The following CELF2 variants were observed in gnomAD, a reference collection of about 807,000 sequenced individuals.
CELF2 encodes the protein CUGBP Elav-like family member 2, also known as CUG triplet repeat RNA-binding protein 2.
CELF2 carries 8 observed loss-of-function variants against 62.6 expected under a neutral mutation model. The ratio of observed to expected loss-of-function variants is 0.13; its 90% CI spans 0.07 to 0.23. The LOEUF (loss-of-function observed/expected upper bound fraction) is 0.23, where lower values mean the gene tolerates loss of function less well. CELF2 is among the 10% of genes least tolerant of loss of function. CELF2 has a pLI of 1.00. For missense variants in CELF2, 333 were observed against 671.0 expected, an observed-to-expected ratio of 0.50 and a Z score of 5.56; for synonymous variants, 258 against 250.0, an observed-to-expected ratio of 1.03 and a Z score of -0.30.
At chr10:10,950,647 G>C (rs1386670197) in intron 2 of CELF2, among the ~76,000 whole-genome samples, 6 of 152,136 alleles carry the variant, frequency 3.9e-5, no homozygotes, top group African/African-American at 1.4e-4. Context: ...CCCCATTGCT[G>C]CTGCCCTCTT....
the CELF2 span, chr10:10,784,663 T>G: frequency 6.6e-6 from 1 of 152,466 alleles, no homozygotes; most frequent in Admixed American, 6.5e-5. Context: ...CTTCTCTTTG[T>G]CTCTCCCTGT....
At chr10:10,791,977 A>T in the CELF2 span, among the ~76,000 whole-genome samples, 1 of 130,498 alleles carries the variant, frequency 7.7e-6, no homozygotes, top group Non-Finnish European at 1.6e-5. Flanking sequence ...AGGGAATCGA[A>T]GGGAGAAGGA....
At chr10:10,695,446 C>T in the CELF2 span, among the ~76,000 whole-genome samples, 1 of 150,460 alleles carries the variant, frequency 6.6e-6, no homozygotes, top group African/African-American at 2.4e-5. Context: ...AACGTTTTTT[C>T]CTTCATTTCA....
At chr10:10,745,221 C>G in the CELF2 span, among the ~76,000 whole-genome samples, 302 of 152,136 alleles carry the variant, frequency 2.0e-3, 1 homozygote, top group African/African-American at 6.9e-3. Context: ...CTGTTTCTTC[C>G]ATCATCACTC....
chr10:11,194,631 G>A (rs1381185525), intron 2 of CELF2, among the ~76,000 whole-genome samples: 1 of 152,132 alleles, frequency 6.6e-6, no homozygotes, highest in African/African-American at 2.4e-5. Context: ...ACTCTTGCTA[G>A]CCCTCCCCAT....
chr10:10,546,580 A>C, the CELF2 span, among the ~76,000 whole-genome samples: 1 of 152,134 alleles, frequency 6.6e-6, no homozygotes, highest in Non-Finnish European at 1.5e-5. Flanking sequence ...CTCTGCATGG[A>C]CTTGTATTAA....
intron 1 of CELF2, among the ~76,000 whole-genome samples, chr10:11,037,091 T>C (rs555034219): frequency 6.6e-6 from 1 of 152,248 alleles, no homozygotes; most frequent in East Asian, 1.9e-4. Context: ...AAGATGTACC[T>C]GAGACTGAGT....
At chr10:10,977,140 G>A (rs1235340021) in intron 2 of CELF2, among the ~76,000 whole-genome samples, 1 of 152,144 alleles carries the variant, frequency 6.6e-6, no homozygotes, top group African/African-American at 2.4e-5. Flanking sequence ...GTAGCCACAG[G>A]TGGATTCCAG....
chr10:11,270,709 A>G lies in CELF2; in HGVS notation c.662A>G (p.Lys221Arg). 2 of 1,556,162 alleles carry G rather than the reference A, an allele frequency of 1.3e-6. No individual in the cohort carries two copies. Among genetic ancestry groups the G allele is most frequent in the Non-Finnish European group, 1.7e-6 (2 of 1,147,590 alleles). ...GTGGTGAAGTTTGCTGACACTCAGA[A>G]GGACAAAGAGCAAAGGCGCCTCCAG... ...PIVVKFADTQ[K>R]DKEQRRLQQQ... Residue 221 changes from lysine to arginine, a missense_variant, in exon 7 of 13, where the codon AAG becomes AGG. By Grantham distance (26) the Lys-to-Arg change is conservative (BLOSUM62 2). Around this residue, in one of 3 missense-constraint regions of CELF2, gnomAD observed 253 missense variants for 503.0 expected, o/e 0.50. Transcript: ENST00000633077. The surrounding 1 kb of genome is among the most constrained non-coding windows in gnomAD (Gnocchi z 5.8).
intron 3 of CELF2, among the ~76,000 whole-genome samples, chr10:11,233,416 C>T (rs192398015): frequency 1.1e-4 from 17 of 152,288 alleles, no homozygotes; most frequent in Admixed American, 9.2e-4. Flanking sequence ...TCTCACGCCG[C>T]GTGATTTCTT....
intron 1 of CELF2, among the ~76,000 whole-genome samples, chr10:11,155,183 C>G (rs1450090370): frequency 6.6e-6 from 1 of 152,188 alleles, no homozygotes; most frequent in Non-Finnish European, 1.5e-5. Context: ...TTATATATTT[C>G]CCGGCCTCCT....
chr10:10,703,468 C>T, the CELF2 span, among the ~76,000 whole-genome samples: 1 of 152,174 alleles, frequency 6.6e-6, no homozygotes. Flanking sequence ...ATAGATCCTC[C>T]CCACTGGGGC....
At chr10:10,796,017 G>A (rs566872451), upstream of CELF2, among the ~76,000 whole-genome samples, 27 of 152,082 alleles carry the variant, frequency 1.8e-4, no homozygotes, top group African/African-American at 6.0e-4. Context: ...GTTGTTCCCC[G>A]CAGTTGCCTT....
At chr10:10,606,204 A>C in the CELF2 span, among the ~76,000 whole-genome samples, 60 of 152,280 alleles carry the variant, frequency 3.9e-4, no homozygotes, top group African/African-American at 1.4e-3. Flanking sequence ...AACACATTTA[A>C]TGGAATATGT....
chr10:10,534,378 G>T, the CELF2 span, among the ~76,000 whole-genome samples: 13 of 152,122 alleles, frequency 8.5e-5, no homozygotes, highest in African/African-American at 2.2e-4. Context: ...TGGGGAGACC[G>T]GAGTATGTTT....
At chr10:10,588,857 A>G in the CELF2 span, among the ~76,000 whole-genome samples, 1 of 152,202 alleles carries the variant, frequency 6.6e-6, no homozygotes, top group African/African-American at 2.4e-5. Flanking sequence ...CAGTATTCAC[A>G]GAGTACCACC....
the CELF2 span, among the ~76,000 whole-genome samples, chr10:10,627,983 G>C: frequency 6.6e-6 from 1 of 152,082 alleles, no homozygotes; most frequent in African/African-American, 2.4e-5. Flanking sequence ...GCTCACTGCA[G>C]CCTCTGCCTC....
At chr10:10,850,441 C>G (rs11256866) in intron 1 of CELF2, among the ~76,000 whole-genome samples, 20,713 of 152,188 alleles carry the variant, frequency 0.14, 1,681 homozygotes, top group Non-Finnish European at 0.19. Flanking sequence ...TTGCTCATTT[C>G]TGAATCCAAG....
At chr10:10,618,456 T>G in the CELF2 span, among the ~76,000 whole-genome samples, 1 of 152,148 alleles carries the variant, frequency 6.6e-6, no homozygotes, top group African/African-American at 2.4e-5. Flanking sequence ...CACTTTTCTT[T>G]AGAGCATCAA....
Sources: gnomAD v4.1 joint callset for allele counts (sites outside exome capture counted in the v4.1 genomes callset) on GRCh38, gnomAD v4.1.1 for gene constraint, gnomAD v4.1.1 regional missense constraint, Gnocchi (gnomAD v3.1) non-coding constraint, MANE v1.5 for transcripts, NCBI Gene and HGNC (gene_info 2026-07-23, HGNC 2026-07-21) for gene names.